The following HERC3 variants were observed in gnomAD, a reference collection of about 807,000 sequenced individuals.
The protein encoded by HERC3 is probable E3 ubiquitin-protein ligase HERC3.
In HERC3, 58 loss-of-function variants were observed where a neutral mutation model predicts 129.9. The ratio of observed to expected loss-of-function variants is 0.45; its 90% CI spans 0.36 to 0.56. The LOEUF (loss-of-function observed/expected upper bound fraction) is 0.56, where lower values mean the gene tolerates loss of function less well. Among genes scored for constraint, HERC3 ranks in the 20% least tolerant of loss-of-function variants. HERC3 has a pLI of 0.00. For missense variants in HERC3, 835 were observed against 1,244.2 expected, an observed-to-expected ratio of 0.67 and a Z score of 4.95; for synonymous variants, 430 against 451.0, an observed-to-expected ratio of 0.95 and a Z score of 0.59.
intron 3 of HERC3, among the ~76,000 whole-genome samples, chr4:88,615,336 A>G (rs540482452): frequency 6.6e-6 from 1 of 152,260 alleles, no homozygotes; most frequent in South Asian, 2.1e-4. Flanking sequence ...TTCAAGGGCT[A>G]CTGGAATTCT....
chr4:88,606,354 C>T (rs1723633575), intron 3 of HERC3, among the ~76,000 whole-genome samples: 1 of 151,638 alleles, frequency 6.6e-6, no homozygotes, highest in Non-Finnish European at 1.5e-5. Flanking sequence ...CAGGTTCAGG[C>T]AATTTTCATG....
chr4:88,549,065 C>T, the HERC3 span, among the ~76,000 whole-genome samples: 2 of 152,046 alleles, frequency 1.3e-5, no homozygotes, highest in African/African-American at 4.8e-5. Context: ...ATTGCCTAAT[C>T]CAAGTTCACA....
rs1578162272 is a variant in HERC3, at chr4:88,610,250, C to T, written c.226+4201C>T. ...TGGGTGGATAACGAGGTCAGGAGTC[C>T]GAGACCAGCCTGACCAACATGGTGA... On this transcript the variant is annotated intron_variant, in intron 3 of 25. Transcript: ENST00000402738. Among the ~76,000 whole-genome samples the T allele has an allele frequency of 2.0e-5, 3 of 152,018 alleles. No individual in the cohort carries two copies. In the South Asian group the frequency reaches 6.2e-4, roughly 32 times the overall value.
intron 18 of HERC3, 24 bp downstream of exon 18, chr4:88,676,447 C>T: frequency 6.8e-7 from 1 of 1,464,750 alleles, no homozygotes; most frequent in Non-Finnish European, 9.6e-7. Flanking sequence ...GAAATTATTT[C>T]TTCTTTTTAC....
chr4:88,534,834 G>C, the HERC3 span, among the ~76,000 whole-genome samples: 1 of 152,154 alleles, frequency 6.6e-6, no homozygotes, highest in Non-Finnish European at 1.5e-5. Context: ...GTTTTACTTT[G>C]TGTGTGTTTT....
the HERC3 span, among the ~76,000 whole-genome samples, chr4:88,569,848 G>C: frequency 6.6e-6 from 1 of 152,216 alleles, no homozygotes; most frequent in Admixed American, 6.5e-5. Flanking sequence ...TGCTCACATA[G>C]GGCTGCACAT....
At position 88,655,292 on chromosome 4, in the gene HERC3, T is replaced by C. The variant is rs1326196825; in HGVS notation, c.896T>C (p.Ile299Thr). ...CTGATGGGTAGTGAAGTAACTCAAA[T>C]TGCTTGTGGCAGGTGAGTGTTCCTC... ...LELMGSEVTQ[I>T]ACGRQHTLAF... Residue 299 changes from isoleucine (I) to threonine (T), a missense_variant, in exon 8 of 26, where the codon ATT becomes ACT. Physicochemically the swap from Ile to Thr is moderately conservative, Grantham distance 89. Coordinates refer to ENST00000402738, the MANE Select transcript of HERC3 (RefSeq NM_014606.3). 1 of 1,613,692 alleles carries C rather than the reference T, an allele frequency of 6.2e-7. No homozygotes were observed. Among genetic ancestry groups the C allele is most frequent in the East Asian group, 2.2e-5 (1 of 44,858 alleles).
chr4:88,621,548 T>C (rs1350914744), intron 3 of HERC3, among the ~76,000 whole-genome samples: 3 of 152,260 alleles, frequency 2.0e-5, no homozygotes, highest in Non-Finnish European at 2.9e-5. Flanking sequence ...CCTTTAATTT[T>C]TCCTTCCTAT....
the HERC3 span, among the ~76,000 whole-genome samples, chr4:88,532,478 T>G: frequency 3.9e-5 from 6 of 152,200 alleles, no homozygotes; most frequent in African/African-American, 7.2e-5. Context: ...CACCTTTTTA[T>G]TCTATTCAGG....
the HERC3 span, among the ~76,000 whole-genome samples, chr4:88,538,313 T>C: frequency 6.6e-6 from 1 of 152,192 alleles, no homozygotes; most frequent in Non-Finnish European, 1.5e-5. Context: ...CTGTACACCA[T>C]GGAGTATCGT....
At chr4:88,642,160 A>C (rs1249346209) in intron 3 of HERC3, among the ~76,000 whole-genome samples, 1 of 151,492 alleles carries the variant, frequency 6.6e-6, no homozygotes, top group African/African-American at 2.4e-5. Flanking sequence ...AAAGGAAGGA[A>C]GAAATCTCTA....
the HERC3 span, among the ~76,000 whole-genome samples, chr4:88,524,440 G>A: frequency 6.6e-6 from 1 of 152,192 alleles, no homozygotes; most frequent in Non-Finnish European, 1.5e-5. Context: ...CAATGAGTGG[G>A]TGATCCATTC....
At chr4:88,614,844 G>A (rs1330601703) in intron 3 of HERC3, among the ~76,000 whole-genome samples, 2 of 152,042 alleles carry the variant, frequency 1.3e-5, no homozygotes, top group East Asian at 3.9e-4. Context: ...CACCCTTTGG[G>A]CATTTATAGA....
chr4:88,605,185 G>A (rs918997030), intron 2 of HERC3, among the ~76,000 whole-genome samples: 5 of 152,168 alleles, frequency 3.3e-5, no homozygotes, highest in Non-Finnish European at 5.9e-5. Flanking sequence ...CTGACTTGTC[G>A]CTGCAACAAT....
At chr4:88,664,796 T>A (rs139531613) in intron 12 of HERC3, among the ~76,000 whole-genome samples, 2 of 152,326 alleles carry the variant, frequency 1.3e-5, no homozygotes, top group African/African-American at 4.8e-5. Context: ...CAGGGAGTAA[T>A]TCTAAGGAGG....
the HERC3 span, among the ~76,000 whole-genome samples, chr4:88,549,747 C>T: frequency 6.6e-6 from 1 of 151,644 alleles, no homozygotes; most frequent in East Asian, 1.9e-4. Flanking sequence ...CTCTGTCACC[C>T]AGATGGGAGT....
At chr4:88,533,108 C>T in the HERC3 span, among the ~76,000 whole-genome samples, 17 of 152,280 alleles carry the variant, frequency 1.1e-4, no homozygotes, top group African/African-American at 2.6e-4. Context: ...GAATCCCTGG[C>T]GATCCACTGA....
intron 3 of HERC3, among the ~76,000 whole-genome samples, chr4:88,649,330 C>T (rs1729023135): frequency 6.6e-6 from 1 of 152,102 alleles, no homozygotes; most frequent in Admixed American, 6.5e-5. Flanking sequence ...AGAGAGAGAT[C>T]CTTCTGTTTC....
chr4:88,690,339 C>G, intron 23 of HERC3: 2 of 985,312 alleles, frequency 2.0e-6, no homozygotes, highest in Non-Finnish European at 2.4e-6. Context: ...GTTAGCCCAG[C>G]TGATTTCCCT....
Sources: gnomAD v4.1 joint callset for allele counts (sites outside exome capture counted in the v4.1 genomes callset) on GRCh38, gnomAD v4.1.1 for gene constraint, MANE v1.5 for transcripts, NCBI Gene and HGNC (gene_info 2026-07-23, HGNC 2026-07-21) for gene names.